RB1: variants seen among roughly 807,000 people sequenced by gnomAD.
RB1 encodes RB transcriptional corepressor 1.
RB1 carries 18 observed loss-of-function variants against 135.4 expected under a neutral mutation model. That is an observed-to-expected ratio of 0.13 (90% CI 0.09 to 0.20). The LOEUF (loss-of-function observed/expected upper bound fraction) is 0.20. Among genes scored for constraint, RB1 ranks in the 10% least tolerant of loss-of-function variants. The pLI is 1.00. For synonymous variants in RB1, 365 were observed against 373.2 expected, an observed-to-expected ratio of 0.98 and a Z score of 0.25; for missense variants, 868 against 1,110.0, an observed-to-expected ratio of 0.78 and a Z score of 3.10.
At chr13:48,363,834 T>G (rs146997635) in intron 8 of RB1, among the ~76,000 whole-genome samples, 4 of 152,338 alleles carry the variant, frequency 2.6e-5, no homozygotes, top group African/African-American at 9.6e-5. Flanking sequence ...CAGGGACTGA[T>G]AGCTTATTAT....
At chr13:48,313,745 C>CTTTTTTTTTTTT (rs56131979) in intron 2 of RB1, among the ~76,000 whole-genome samples, 3 of 101,954 alleles carry the variant, frequency 2.9e-5, no homozygotes, top group Non-Finnish European at 5.3e-5. Context: ...TATGTTTATT[C>CTTTTTTTTTTTT]TTTTTTTTTT....
chr13:48,449,361 G>T (rs762319511), intron 17 of RB1, among the ~76,000 whole-genome samples: 32 of 152,092 alleles, frequency 2.1e-4, no homozygotes, highest in Non-Finnish European at 4.7e-4. Flanking sequence ...GTATCTTTAG[G>T]TTTTTTATCC....
Position 48,373,385 on chromosome 13 carries a change from C to T in RB1, c.1128-20C>T, listed in dbSNP as rs746080822. The T allele has an allele frequency of 7.0e-7, 1 of 1,434,536 alleles. No homozygotes were observed. Among genetic ancestry groups the T allele is most frequent in the Non-Finnish European group, 9.8e-7 (1 of 1,019,936 alleles). 88.9% of individuals were successfully genotyped at this position (1,434,536 alleles called of 1,614,324 possible). A position where few individuals can be genotyped will look rare whatever the true frequency, so the allele number is the denominator to read the frequency against. Reference sequence around the variant, plus strand: ...CTCCCTTCATTGCTTAACACATTTTCCTATTTTTATCCCCTCTAGGACTGT... The same window carrying T: ...CTCCCTTCATTGCTTAACACATTTTTCTATTTTTATCCCCTCTAGGACTGT... On this transcript the variant is annotated intron_variant, in intron 11 of 26. Transcript: ENST00000267163.
intron 23 of RB1, among the ~76,000 whole-genome samples, chr13:48,471,567 T>TAA (rs1321798115): frequency 8.6e-4 from 41 of 47,924 alleles, no homozygotes; most frequent in African/African-American, 1.9e-3. Context: ...TAATAAAAAA[T>TAA]ATAAATAAAA....
intron 17 of RB1, among the ~76,000 whole-genome samples, chr13:48,432,530 A>T (rs1431728595): frequency 6.6e-6 from 1 of 151,728 alleles, no homozygotes; most frequent in Non-Finnish European, 1.5e-5. Flanking sequence ...CATTTCAGTC[A>T]CATTCCACCC....
At chr13:48,371,853 G>A (rs549599078) in intron 11 of RB1, among the ~76,000 whole-genome samples, 1 of 152,270 alleles carries the variant, frequency 6.6e-6, no homozygotes, top group Admixed American at 6.5e-5. Context: ...GATACAGCAG[G>A]AGGTGAGTGG....
intron 4 of RB1, among the ~76,000 whole-genome samples, chr13:48,346,193 T>A (rs1362924327): frequency 1.3e-5 from 2 of 151,072 alleles, no homozygotes; most frequent in African/African-American, 4.9e-5. Context: ...GGAGATAAAT[T>A]ATCTAAATAA....
At chr13:48,441,316 T>C (rs555131082) in intron 17 of RB1, among the ~76,000 whole-genome samples, 57 of 152,334 alleles carry the variant, frequency 3.7e-4, no homozygotes, top group African/African-American at 1.3e-3. Flanking sequence ...AAATTGTGCC[T>C]GAAGACCCTT....
intron 17 of RB1, among the ~76,000 whole-genome samples, chr13:48,410,318 A>G (rs1317996049): frequency 2.0e-5 from 3 of 152,210 alleles, no homozygotes; most frequent in Non-Finnish European, 4.4e-5. Flanking sequence ...AGTTGCCTAC[A>G]GTATTCTTTG....
rs780829988 is a variant in RB1 at position 48,307,382 on chromosome 13, A to T, written c.240A>T (p.Lys80Asn). The change falls in exon 2 of 27, where the codon AAA becomes AAT. Residue 80 changes from lysine to asparagine, a missense_variant. By Grantham distance (94) the Lys-to-Asn change is moderately conservative. Coordinates refer to ENST00000267163, the MANE Select transcript of RB1 (RefSeq NM_000321.3). ...VRERAWLTWE[K>N]VSSVDGVLGG... ...AGAGAGCTTGGTTAACTTGGGAGAA[A>T]GTTTCATCTGTGGATGGAGTATTGG... 2.5e-5 allele frequency: 41 copies of T among 1,613,472 alleles called. No homozygotes were observed. Among genetic ancestry groups the T allele is most frequent in the Non-Finnish European group, 3.4e-6 (4 of 1,179,680 alleles).
chr13:48,304,031 A>G lies in RB1; in HGVS notation c.119A>G (p.Glu40Gly), dbSNP rs2138027953. 1 of 1,460,492 alleles carries G rather than the reference A, an allele frequency of 6.8e-7. No individual in the cohort carries two copies. The highest frequency in any genetic ancestry group is 1.3e-5 in the South Asian group (1 of 75,280). The allele number at this position is 1,460,492 out of a possible 1,614,324, so 90.5% of individuals were successfully genotyped here. A position where few individuals can be genotyped will look rare whatever the true frequency, so the allele number is the denominator to read the frequency against. Reference sequence around the variant, plus strand: ...GACCCAGAGCAGGACAGCGGCCCGGAGGACCTGCCTCTCGTCAGGTGAGCG... The same window carrying G: ...GACCCAGAGCAGGACAGCGGCCCGGGGGACCTGCCTCTCGTCAGGTGAGCG... The part of the protein sequence containing the change: ...EEDPEQDSGP[E>G]DLPLVRLEFE... Residue 40 changes from glutamate to glycine, a missense_variant, in exon 1 of 27, where the codon GAG becomes GGG. By Grantham distance (98) the Glu-to-Gly change is moderately conservative. Around this residue, in one of 3 missense-constraint regions of RB1, gnomAD observed 641 missense variants for 791.3 expected, o/e 0.81. Transcript: ENST00000267163.
chr13:48,479,919 A>C, intron 26 of RB1, 79 bp from the exon 27 acceptor site: 1 of 1,113,966 alleles, frequency 9.0e-7, no homozygotes. Flanking sequence ...GTTTGACATG[A>C]GCATAATATA....
At chr13:48,323,207 G>C (rs1046471617) in intron 2 of RB1, among the ~76,000 whole-genome samples, 11 of 151,892 alleles carry the variant, frequency 7.2e-5, no homozygotes, top group Non-Finnish European at 1.2e-4. Flanking sequence ...ACTTGTTATA[G>C]GTTTATTCAG....
At chr13:48,347,516 T>C (rs1952508784) in intron 4 of RB1, among the ~76,000 whole-genome samples, 1 of 152,096 alleles carries the variant, frequency 6.6e-6, no homozygotes, top group Non-Finnish European at 1.5e-5. Context: ...AAAATTTTTA[T>C]TGACAAATCA....
intron 20 of RB1, among the ~76,000 whole-genome samples, chr13:48,461,081 TCA>T (rs1474392949): frequency 2.0e-5 from 3 of 152,120 alleles, no homozygotes; most frequent in Non-Finnish European, 4.4e-5. Context: ...TTTAGTATAT[TCA>T]CAGTTATACA....
chr13:48,379,886 G>A (rs199904384), intron 14 of RB1, among the ~76,000 whole-genome samples, 167 bp from the exon 15 acceptor site: 6 of 150,028 alleles, frequency 4.0e-5, no homozygotes, highest in South Asian at 4.2e-4. Flanking sequence ...CTTGAACCAG[G>A]GAGGTGGAGG....
intron 17 of RB1, among the ~76,000 whole-genome samples, chr13:48,410,024 A>G (rs1294903315): frequency 6.6e-6 from 1 of 152,172 alleles, no homozygotes; most frequent in East Asian, 1.9e-4. Context: ...TTGGCCTTGT[A>G]GTTTTGTTAC....
intron 8 of RB1, among the ~76,000 whole-genome samples, chr13:48,364,231 C>T (rs532888618): frequency 7.6e-4 from 116 of 151,798 alleles, no homozygotes; most frequent in Non-Finnish European, 1.3e-3. Flanking sequence ...TGTAGCAAAC[C>T]GTGTAGCCTA....
chr13:48,367,430 C>G, intron 9 of RB1, 64 bp from the exon 10 acceptor site: 1 of 1,549,332 alleles, frequency 6.5e-7, no homozygotes. Flanking sequence ...AAATCTGTGC[C>G]TCTGTGTGCT....
Sources: allele counts gnomAD v4.1 joint callset (sites outside exome capture counted in the v4.1 genomes callset), GRCh38; gene constraint gnomAD v4.1.1; regional missense constraint gnomAD v4.1.1; transcripts MANE v1.5; gene names NCBI Gene and HGNC (gene_info 2026-07-23, HGNC 2026-07-21).